UPP2: variants seen among roughly 807,000 people sequenced by gnomAD.
UPP2 encodes the protein uridine phosphorylase 2.
UPP2 carries 23 observed loss-of-function variants against 26.7 expected under a neutral mutation model. That is an observed-to-expected ratio of 0.86 (90% confidence interval 0.62 to 1.22). The LOEUF (loss-of-function observed/expected upper bound fraction) is 1.22, where lower values mean the gene tolerates loss of function less well. UPP2 is among the 50% of genes most tolerant of loss of function. UPP2 has a pLI of 0.00. For synonymous variants in UPP2, 127 were observed against 141.3 expected (o/e 0.90, Z 0.72); for missense variants, 387 against 396.7 (o/e 0.98, Z 0.21).
chr2:158,011,972 G>A (rs976898225), intron 2 of UPP2, among the ~76,000 whole-genome samples: 1 of 152,060 alleles, frequency 6.6e-6, no homozygotes, highest in African/African-American at 2.4e-5. Flanking sequence ...GGCCGTATAT[G>A]GTCTCCCCTC....
intron 3 of UPP2, among the ~76,000 whole-genome samples, chr2:158,056,418 T>C (rs1222648320): frequency 6.6e-6 from 1 of 152,226 alleles, no homozygotes; most frequent in Non-Finnish European, 1.5e-5. Flanking sequence ...CTTTTTTCTG[T>C]TCCAGGATCC....
intron 3 of UPP2, among the ~76,000 whole-genome samples, chr2:158,077,362 T>C (rs1682646488): frequency 6.6e-6 from 1 of 151,942 alleles, no homozygotes; most frequent in African/African-American, 2.4e-5. Context: ...AGAACAAAAC[T>C]GGAGGAATCA....
At position 158,075,414 on chromosome 2, in the gene UPP2, G is replaced by A. The variant is rs529446277; in HGVS notation, c.148-26626G>A. Among the ~76,000 whole-genome samples the A allele has an allele frequency of 9.2e-5, 14 of 151,880 alleles. No homozygotes were observed. In the East Asian group the frequency reaches 9.7e-4, roughly 11 times the overall value. The stretch of plus-strand genomic sequence containing the variant: ...TACACATTTTTCTCCTCAGCATATC[G>A]ATAAGGATAGACCATATGTTAGGTC... On this transcript the variant is annotated intron_variant, in intron 3 of 9. Coordinates refer to the UPP2 transcript ENST00000605860.
In UPP2 at chr2:157,997,246, A is replaced by AT. The variant is rs201028639; in HGVS notation, c.61+1996dup. Among the ~76,000 whole-genome samples the AT allele has an allele frequency of 5.9e-3, 898 of 151,130 alleles. 13 individuals are homozygous for AT. The highest frequency in any genetic ancestry group is 0.021 in the African/African-American group (848 of 41,262). Reference sequence around the variant, plus strand: ...ATAATATTTTGTGTTTGGACCTCCTATTTTTTTTTATTTTTATTTTACTGC... The same window carrying AT: ...ATAATATTTTGTGTTTGGACCTCCTATTTTTTTTTTATTTTTATTTTACTGC... On this transcript the variant is annotated intron_variant, in intron 2 of 9. Coordinates refer to the UPP2 transcript ENST00000605860.
upstream of UPP2, chr2:158,101,792 G>A (rs972356627): frequency 5.1e-6 from 6 of 1,167,206 alleles, no homozygotes; most frequent in African/African-American, 9.7e-5. Context: ...CACCTTCAAA[G>A]GGGGCCTATC....
At chr2:158,020,259 G>T (rs145205234) in intron 3 of UPP2, among the ~76,000 whole-genome samples, 55 of 152,314 alleles carry the variant, frequency 3.6e-4, no homozygotes, top group Non-Finnish European at 6.9e-4. Flanking sequence ...TGACTTCACT[G>T]CTCCTGTTCT....
At chr2:158,076,914 G>GA (rs1188607661) in intron 3 of UPP2, among the ~76,000 whole-genome samples, 2 of 151,940 alleles carry the variant, frequency 1.3e-5, no homozygotes, top group Non-Finnish European at 2.9e-5. Context: ...CTTATATTTG[G>GA]AAAAACCTAA....
At chr2:158,064,075 T>C (rs550574802) in intron 3 of UPP2, among the ~76,000 whole-genome samples, 55 of 152,364 alleles carry the variant, frequency 3.6e-4, no homozygotes, top group African/African-American at 1.3e-3. Context: ...TGTGTCTTTA[T>C]AGTAGAATGA....
chr2:157,996,020 A>G (rs573280639), intron 2 of UPP2, among the ~76,000 whole-genome samples: 3 of 152,320 alleles, frequency 2.0e-5, no homozygotes, highest in South Asian at 4.1e-4. Flanking sequence ...TCCCAGCTCA[A>G]TGTGGGAATG....
At chr2:158,013,093 C>G (rs981030010) in intron 2 of UPP2, among the ~76,000 whole-genome samples, 1 of 152,010 alleles carries the variant, frequency 6.6e-6, no homozygotes, top group Non-Finnish European at 1.5e-5. Flanking sequence ...CTCAAGCAAT[C>G]CTCCCATCTC....
At chr2:158,081,782 G>A (rs542478736) in intron 3 of UPP2, among the ~76,000 whole-genome samples, 2 of 151,912 alleles carry the variant, frequency 1.3e-5, no homozygotes, top group Non-Finnish European at 2.9e-5. Flanking sequence ...GAGATGGAGA[G>A]TAGAATGATG....
chr2:158,103,869 A>G (rs1200145466), intron 1 of UPP2, among the ~76,000 whole-genome samples: 1 of 152,206 alleles, frequency 6.6e-6, no homozygotes, highest in Admixed American at 6.5e-5. Flanking sequence ...CTTGCCTCAC[A>G]AGAGAAGAAA....
Position 158,117,899 on chromosome 2 carries a change from G to T in UPP2, c.415G>T (p.Asp139Tyr). 1 of 1,612,890 alleles carries T rather than the reference G, an allele frequency of 6.2e-7. No homozygotes were observed. The highest frequency in any genetic ancestry group is 8.5e-7 in the Non-Finnish European group (1 of 1,179,002). The change falls in exon 4 of 7, where the codon GAT (aspartate) becomes TAT (tyrosine). Residue 139 changes from aspartate (D) to tyrosine (Y), a missense_variant. Coordinates refer to ENST00000005756, the MANE Select transcript of UPP2 (RefSeq NM_173355.4). ...IKLLHHARCC[D>Y]VTIIRIGTSG... ...ATTACTCCACCATGCACGGTGCTGC[G>T]ATGTCACCATTATTAGAATCGGTAC... is the stretch of plus-strand genomic sequence containing the variant.
intron 2 of UPP2, 83 bp downstream of exon 2, chr2:158,106,299 A>G: frequency 1.7e-6 from 2 of 1,196,314 alleles, no homozygotes; most frequent in Non-Finnish European, 2.4e-6. Flanking sequence ...TAATCTATAC[A>G]CCTTTGGCTA....
intron 3 of UPP2, among the ~76,000 whole-genome samples, chr2:158,025,757 T>C (rs1558907236): frequency 6.6e-6 from 1 of 152,146 alleles, no homozygotes; most frequent in Non-Finnish European, 1.5e-5. Context: ...CTGTGTAAAA[T>C]TAGTTCAGAG....
In UPP2 at chr2:158,118,537, G is replaced by T. The variant is rs77005184; in HGVS notation, c.454+599G>T. ...TAGGCCTGTCAGTCAGCTGTATAGA[G>T]GCCTTGGTTTTGCTTCCAGAATGTG... On this transcript the variant is annotated intron_variant, in intron 4 of 6. Coordinates refer to ENST00000005756, the MANE Select transcript of UPP2 (RefSeq NM_173355.4). Among the ~76,000 whole-genome samples, 362 of 151,962 alleles carry T rather than the reference G, an allele frequency of 2.4e-3. 5 individuals are homozygous for T. Among genetic ancestry groups the T allele is most frequent in the Non-Finnish European group, 3.9e-3 (266 of 67,888 alleles).
intron 2 of UPP2, among the ~76,000 whole-genome samples, chr2:158,001,567 C>T (rs906552112): frequency 1.3e-5 from 2 of 152,148 alleles, no homozygotes; most frequent in Admixed American, 6.6e-5. Flanking sequence ...AATAGGTCAG[C>T]CTCCTACTTG....
chr2:158,119,614 G>A (rs1683517601), intron 4 of UPP2, among the ~76,000 whole-genome samples: 1 of 151,864 alleles, frequency 6.6e-6, no homozygotes, highest in Admixed American at 6.6e-5. Context: ...TATTAAGATG[G>A]CATATAAATA....
At chr2:158,133,687 T>C (rs1683872554) in intron 6 of UPP2, 1 of 152,228 alleles carries the variant, frequency 6.6e-6, no homozygotes, top group South Asian at 2.1e-4. Context: ...ATAATTACAG[T>C]ATACTACTTC....
Sources: gnomAD v4.1 joint callset for allele counts (sites outside exome capture counted in the v4.1 genomes callset) on GRCh38, gnomAD v4.1.1 for gene constraint, MANE v1.5 for transcripts, NCBI Gene and HGNC (gene_info 2026-07-23, HGNC 2026-07-21) for gene names.